KATNBL1: variants seen among roughly 807,000 people sequenced by gnomAD.
KATNBL1 encodes KATNB1-like protein 1.
KATNBL1 carries 28 observed loss-of-function variants against 44.7 expected under a neutral mutation model. That is an observed-to-expected ratio of 0.63 (90% CI 0.46 to 0.86). The LOEUF (loss-of-function observed/expected upper bound fraction) is 0.86. Among genes scored for constraint, KATNBL1 ranks in the 40% least tolerant of loss-of-function variants. KATNBL1 has a pLI of 0.00. For synonymous variants in KATNBL1, 78 were observed against 114.9 expected, an observed-to-expected ratio of 0.68 and a Z score of 2.06; for missense variants, 272 against 350.7, an observed-to-expected ratio of 0.78 and a Z score of 1.79.
Position 34,181,821 on chromosome 15 carries a change from C to CAT in KATNBL1, c.-14-18133_-14-18132dup, listed in dbSNP as rs1374681990. 2.2e-3 allele frequency among the ~76,000 whole-genome samples: 199 copies of CAT among 91,490 alleles called. 11 individuals carry two copies. Among genetic ancestry groups the CAT allele is most frequent in the Non-Finnish European group, 3.1e-3 (125 of 40,908 alleles). 60.0% of individuals were successfully genotyped at this position (91,490 alleles called of 152,430 possible). On this transcript the variant is annotated intron_variant, in intron 1 of 9. Transcript: ENST00000256544. ...CCATATATATACATATATACATGTC[C>CAT]ATATATATCCATATATATACACATA... is the stretch of plus-strand genomic sequence containing the variant.
At position 34,200,866 on chromosome 15, in the gene KATNBL1, G is replaced by C. The variant is rs150188288; in HGVS notation, c.-15+9085C>G. Among the ~76,000 whole-genome samples the C allele has an allele frequency of 6.4e-3, 972 of 152,042 alleles. 5 individuals carry two copies. The highest frequency in any genetic ancestry group is 0.022 in the African/African-American group (928 of 41,470). ...AGCGTCTTGCTCTGTCGCCAGGCTG[G>C]AGTGCAGTGGCGCCATCTCAGCTCA... On this transcript the variant is annotated intron_variant, in intron 1 of 9. Coordinates refer to ENST00000256544, the MANE Select transcript of KATNBL1 (RefSeq NM_024713.3).
At chr15:34,187,310 C>T (rs755253380) in intron 1 of KATNBL1, among the ~76,000 whole-genome samples, 1 of 152,124 alleles carries the variant, frequency 6.6e-6, no homozygotes, top group African/African-American at 2.4e-5. Flanking sequence ...CTCAACTGGA[C>T]GACCTGCCTA....
At chr15:34,187,854 A>C (rs1322765436) in intron 1 of KATNBL1, among the ~76,000 whole-genome samples, 2 of 152,068 alleles carry the variant, frequency 1.3e-5, no homozygotes, top group Non-Finnish European at 2.9e-5. Flanking sequence ...ATATTCACAA[A>C]TAGGCCAGGC....
At chr15:34,144,872 AC>A (rs1888262852) in intron 9 of KATNBL1, 1 of 187,788 alleles carries the variant, frequency 5.3e-6, no homozygotes, top group Non-Finnish European at 1.0e-5. Flanking sequence ...CGGCCTAACT[AC>A]CAATGTTTTC....
Position 34,206,035 on chromosome 15 carries a change from T to A in KATNBL1, c.-15+3916A>T, listed in dbSNP as rs138663395. The stretch of plus-strand genomic sequence containing the variant: ...AAGAACACCCCTCAATAAGTAACTA[T>A]TTTATAGATTCTCGACCTTGGAGAT... On this transcript the variant is annotated intron_variant, in intron 1 of 9. Transcript: ENST00000256544. Among the ~76,000 whole-genome samples, 393 of 152,310 alleles carry A rather than the reference T, an allele frequency of 2.6e-3. 9 individuals are homozygous for A. The East Asian group carries it at 0.053, about 21-fold the overall frequency.
chr15:34,187,351 T>C (rs999107661), intron 1 of KATNBL1, among the ~76,000 whole-genome samples: 1 of 152,044 alleles, frequency 6.6e-6, no homozygotes, highest in Non-Finnish European at 1.5e-5. Context: ...CTCTGAGCTG[T>C]TCTAACACTA....
intron 2 of KATNBL1, among the ~76,000 whole-genome samples, chr15:34,158,888 T>C (rs1218016014): frequency 6.6e-6 from 1 of 152,214 alleles, no homozygotes; most frequent in Non-Finnish European, 1.5e-5. Context: ...GAAAGGGGTC[T>C]TTCTTAAATC....
intron 1 of KATNBL1, among the ~76,000 whole-genome samples, chr15:34,168,171 G>C (rs1329651284): frequency 1.3e-5 from 2 of 151,854 alleles, no homozygotes; most frequent in African/African-American, 2.4e-5. Flanking sequence ...AAGACCTATC[G>C]GTGTGCTGTA....
At chr15:34,183,556 T>G (rs1002349213) in intron 1 of KATNBL1, among the ~76,000 whole-genome samples, 4 of 152,144 alleles carry the variant, frequency 2.6e-5, no homozygotes, top group Non-Finnish European at 4.4e-5. Context: ...TTTAAATCTA[T>G]TAAAGACATT....
intron 1 of KATNBL1, among the ~76,000 whole-genome samples, chr15:34,203,989 A>G (rs1246904273): frequency 6.6e-6 from 1 of 150,684 alleles, no homozygotes; most frequent in Admixed American, 6.7e-5. Context: ...TGTAACAAAG[A>G]GCACATTCTG....
Position 34,194,579 on chromosome 15 carries a change from G to A in KATNBL1, c.-15+15372C>T, listed in dbSNP as rs567457196. Among the ~76,000 whole-genome samples, 6 of 152,320 alleles carry A rather than the reference G, an allele frequency of 3.9e-5. No homozygotes were observed. The South Asian group carries it at 1.0e-3, about 26-fold the overall frequency. The stretch of plus-strand genomic sequence containing the variant: ...TGGAGGCTGCAGTTAAGCTGAGATT[G>A]TGCCACTGCACTCCAGCCTAGAAAA... On this transcript the variant is annotated intron_variant, in intron 1 of 9. Coordinates refer to ENST00000256544, the MANE Select transcript of KATNBL1 (RefSeq NM_024713.3).
At chr15:34,207,037 CT>C (rs10713100) in intron 1 of KATNBL1, among the ~76,000 whole-genome samples, 71,169 of 139,980 alleles carry the variant, frequency 0.51, 18,814 homozygotes, top group East Asian at 0.7. Context: ...CTAGACAATA[CT>C]TTTTTTTTTT....
At chr15:34,147,561 C>T in intron 5 of KATNBL1, 131 bp from the exon 6 acceptor site, 1 of 549,954 alleles carries the variant, frequency 1.8e-6, no homozygotes, top group Non-Finnish European at 3.1e-6. Flanking sequence ...TGAGTCATGT[C>T]TGTGGATACA....
intron 9 of KATNBL1, among the ~76,000 whole-genome samples, chr15:34,143,966 CAA>C (rs61591705): frequency 1.8e-3 from 117 of 66,390 alleles, no homozygotes; most frequent in Non-Finnish European, 2.2e-3. Context: ...GATTCCATCT[CAA>C]AAAAAAAAAA....
At chr15:34,181,842 A>ATATC (rs370961562) in intron 1 of KATNBL1, among the ~76,000 whole-genome samples, 4 of 41,436 alleles carry the variant, frequency 9.7e-5, no homozygotes, top group Non-Finnish European at 2.0e-4. Flanking sequence ...ATATATATAC[A>ATATC]CATATATATA....
At chr15:34,194,592 C>A (rs1167212944) in intron 1 of KATNBL1, among the ~76,000 whole-genome samples, 2 of 152,178 alleles carry the variant, frequency 1.3e-5, no homozygotes, top group Non-Finnish European at 2.9e-5. Flanking sequence ...CCACTGCACT[C>A]CAGCCTAGAA....
chr15:34,147,754 T>C (rs563217484), intron 5 of KATNBL1, among the ~76,000 whole-genome samples: 1 of 152,336 alleles, frequency 6.6e-6, no homozygotes, highest in South Asian at 2.1e-4. Flanking sequence ...ATAGGTATTT[T>C]AAAATAAGTT....
intron 7 of KATNBL1, 121 bp from the exon 8 acceptor site, chr15:34,146,971 T>G (rs143734548): frequency 0.012 from 8,245 of 686,146 alleles, 105 homozygotes; most frequent in Non-Finnish European, 0.012. Context: ...TTTAAAAAAT[T>G]GTTACCTTCA....
At chr15:34,147,310 TAAA>T in intron 6 of KATNBL1, 21 bp from the exon 7 acceptor site, 1 of 1,596,674 alleles carries the variant, frequency 6.3e-7, no homozygotes, top group Non-Finnish European at 8.6e-7. Flanking sequence ...TACCAAGTTA[TAAA>T]AATATGGATG....
Sources: allele counts gnomAD v4.1 joint callset (sites outside exome capture counted in the v4.1 genomes callset), GRCh38; gene constraint gnomAD v4.1.1; transcripts MANE v1.5; gene names NCBI Gene and HGNC (gene_info 2026-07-23, HGNC 2026-07-21).